The following RASEF variants were observed in gnomAD, a reference collection of about 807,000 sequenced individuals.
RASEF encodes RAS and EF-hand domain containing.
A neutral mutation model predicts 90.1 loss-of-function variants in RASEF; 68 were observed. The observed-to-expected ratio is 0.75, with a 90% CI of 0.62 to 0.92. The LOEUF is 0.92. Among genes scored for constraint, RASEF ranks in the 40% least tolerant of loss-of-function variants. The pLI is 0.00. For missense variants in RASEF, 949 were observed against 937.2 expected (o/e 1.01, Z -0.16); for synonymous variants, 331 against 345.2 (o/e 0.96, Z 0.46).
At chr9:83,218,766 G>C in the RASEF span, among the ~76,000 whole-genome samples, 3 of 152,186 alleles carry the variant, frequency 2.0e-5, no homozygotes, top group African/African-American at 7.2e-5. Context: ...CCCACATCTG[G>C]ATTCGGCTGA....
At chr9:83,049,310 C>A in intron 1 of RASEF, 1 of 985,342 alleles carries the variant, frequency 1.0e-6, no homozygotes, top group Non-Finnish European at 1.2e-6. Context: ...CAATAGTCAG[C>A]TAACCTGACG....
intron 1 of RASEF, among the ~76,000 whole-genome samples, chr9:83,056,625 A>C (rs772043072): frequency 5.9e-5 from 9 of 152,250 alleles, no homozygotes; most frequent in Non-Finnish European, 1.0e-4. Flanking sequence ...GAAACAGATG[A>C]AGATTTGTAC....
Position 83,015,142 on chromosome 9 carries a change from C to G in RASEF, c.765+663G>C, listed in dbSNP as rs548303912. Among the ~76,000 whole-genome samples, 11 of 152,272 alleles carry G rather than the reference C, an allele frequency of 7.2e-5. No individual in the cohort carries two copies. The South Asian group carries it at 2.3e-3, about 32-fold the overall frequency. ...TCATTTAATAAATATTCCCTGAATA[C>G]TTACCATGCACTTTGCAATAAGCTA... On this transcript the variant is annotated intron_variant, in intron 4 of 16. Coordinates refer to ENST00000376447, the MANE Select transcript of RASEF (RefSeq NM_152573.4).
rs567971336 is a variant in RASEF, at chr9:83,055,458, G to C, written c.431+6979C>G. 4.0e-4 allele frequency: 260 copies of C among 654,706 alleles called. 1 individual carries two copies. In the East Asian group the frequency reaches 5.5e-3, roughly 14 times the overall value. The allele number at this position is 654,706 out of a possible 1,614,324, so 40.6% of individuals were successfully genotyped here. ...CGCCCACTGTCTCGCACTCCGTAGT[G>C]AGATGAACCCGGTACCTCAGATGGA... On this transcript the variant is annotated intron_variant, in intron 1 of 16. Coordinates refer to ENST00000376447, the MANE Select transcript of RASEF (RefSeq NM_152573.4).
chr9:83,086,628 C>T, the RASEF span, among the ~76,000 whole-genome samples: 2 of 152,102 alleles, frequency 1.3e-5, no homozygotes, highest in African/African-American at 4.8e-5. Context: ...TCTAAAGGCT[C>T]GACTGAGGGA....
chr9:83,048,115 C>A, intron 1 of RASEF: 3 of 985,358 alleles, frequency 3.0e-6, no homozygotes, highest in Non-Finnish European at 3.6e-6. Flanking sequence ...GTCAGCATTA[C>A]CTGCCTGGCT....
the RASEF span, among the ~76,000 whole-genome samples, chr9:83,215,931 G>A: frequency 2.6e-5 from 4 of 152,282 alleles, no homozygotes; most frequent in East Asian, 1.9e-4. Context: ...CCAGGCTAAC[G>A]TGGTCTCAGA....
chr9:83,117,894 A>C, the RASEF span, among the ~76,000 whole-genome samples: 1 of 152,216 alleles, frequency 6.6e-6, no homozygotes, highest in Admixed American at 6.5e-5. Flanking sequence ...AATGTGCTGC[A>C]GAACTGGAGG....
intron 14 of RASEF, among the ~76,000 whole-genome samples, chr9:82,996,147 GAAC>G (rs1828914963): frequency 6.6e-6 from 1 of 152,166 alleles, no homozygotes; most frequent in Admixed American, 6.5e-5. Flanking sequence ...GTTAGAAAGA[GAAC>G]AATAATGCCA....
the RASEF span, among the ~76,000 whole-genome samples, chr9:83,079,961 T>A: frequency 6.6e-6 from 1 of 152,230 alleles, no homozygotes; most frequent in African/African-American, 2.4e-5. Flanking sequence ...ACAAATTATA[T>A]GTCTAAACAA....
At chr9:83,000,615 A>C in intron 10 of RASEF, 45 bp from the exon 11 acceptor site, 1 of 1,544,770 alleles carries the variant, frequency 6.5e-7, no homozygotes, top group Non-Finnish European at 8.8e-7. Flanking sequence ...AAATGTCAGC[A>C]GTTAAAATAC....
chr9:83,022,506 T>C lies in RASEF; in HGVS notation c.579-80A>G. On this transcript the variant is annotated intron_variant, in intron 2 of 16. Coordinates refer to ENST00000376447, the MANE Select transcript of RASEF (RefSeq NM_152573.4). ...AAGAGAAACTTCAGATTCATCTACG[T>C]TAAGCCCTATATATTACAGATGAAG... The C allele has an allele frequency of 4.0e-6, 4 of 990,802 alleles. No individual in the cohort carries two copies. The South Asian group carries it at 5.1e-5, about 13-fold the overall frequency. The allele number at this position is 990,802 out of a possible 1,614,324, so 61.4% of individuals were successfully genotyped here.
At chr9:83,041,752 A>G (rs1332422258) in intron 1 of RASEF, among the ~76,000 whole-genome samples, 1 of 152,026 alleles carries the variant, frequency 6.6e-6, no homozygotes, top group African/African-American at 2.4e-5. Flanking sequence ...CGGAAGGGTG[A>G]TTTTCTGAAG....
intron 1 of RASEF, among the ~76,000 whole-genome samples, chr9:83,037,080 A>G (rs1214682575): frequency 6.6e-6 from 1 of 152,058 alleles, no homozygotes; most frequent in East Asian, 1.9e-4. Flanking sequence ...AGAGTCTACA[A>G]TTTTACTCAT....
chr9:83,146,170 T>C, the RASEF span, among the ~76,000 whole-genome samples: 4 of 151,614 alleles, frequency 2.6e-5, no homozygotes, highest in Admixed American at 2.6e-4. Flanking sequence ...GAAGTTTGTT[T>C]TTCGTAAGAT....
At chr9:83,063,339 T>C (rs930985466), upstream of RASEF, among the ~76,000 whole-genome samples, 5 of 152,196 alleles carry the variant, frequency 3.3e-5, no homozygotes, top group African/African-American at 1.2e-4. Context: ...GCGTAAGCGC[T>C]GCTCAGGTAG....
the RASEF span, among the ~76,000 whole-genome samples, chr9:83,126,964 G>A: frequency 1.3e-5 from 2 of 152,120 alleles, no homozygotes; most frequent in Non-Finnish European, 2.9e-5. Flanking sequence ...GCTCTGGACT[G>A]CTTTAGCAGA....
At chr9:83,014,438 C>A (rs1269114330) in intron 4 of RASEF, among the ~76,000 whole-genome samples, 1 of 152,038 alleles carries the variant, frequency 6.6e-6, no homozygotes, top group Non-Finnish European at 1.5e-5. Context: ...GTCACTGGGA[C>A]TACAGGCATG....
At chr9:83,066,245 T>C (rs984402215), upstream of RASEF, among the ~76,000 whole-genome samples, 6 of 152,202 alleles carry the variant, frequency 3.9e-5, no homozygotes, top group Admixed American at 6.5e-5. Flanking sequence ...TCTTTTAGCT[T>C]TTCTCTCTTC....
Sources: gnomAD v4.1 joint callset for allele counts (sites outside exome capture counted in the v4.1 genomes callset) on GRCh38, gnomAD v4.1.1 for gene constraint, MANE v1.5 for transcripts, NCBI Gene and HGNC (gene_info 2026-07-23, HGNC 2026-07-21) for gene names.